Variants in ATL2 observed in about 807,000 individuals in gnomAD.
ATL2 encodes the protein atlastin-2.
ATL2 carries 31 observed loss-of-function variants against 73.9 expected under a neutral mutation model. The observed-to-expected ratio is 0.42, with a 90% CI of 0.32 to 0.57. ATL2 has a LOEUF of 0.57. Among genes scored for constraint, ATL2 ranks in the 20% least tolerant of loss-of-function variants. The pLI is 0.14. For synonymous variants in ATL2, 291 were observed against 237.5 expected (o/e 1.23, Z -2.07); for missense variants, 738 against 702.6 (o/e 1.05, Z -0.57).
At chr2:38,302,551 C>T (rs1667243468) in intron 9 of ATL2, among the ~76,000 whole-genome samples, 1 of 152,192 alleles carries the variant, frequency 6.6e-6, no homozygotes, top group South Asian at 2.1e-4. Flanking sequence ...AGTGAAGTCC[C>T]AGGGATGGTG....
chr2:38,367,998 A>G (rs138922687), intron 1 of ATL2, among the ~76,000 whole-genome samples: 18,803 of 147,564 alleles, frequency 0.13, 3,489 homozygotes, highest in African/African-American at 0.41. Flanking sequence ...GCAGTGGCGC[A>G]ATCTCGGCTC....
chr2:38,310,370 G>A lies in ATL2; in HGVS notation c.882C>T (p.Phe294=), dbSNP rs751231784. The change falls in exon 8 of 13, where the codon TTC becomes TTT. Residue 294 remains phenylalanine (F), a synonymous_variant. Transcript: ENST00000378954. The part of the protein sequence containing the change: ...IHNCFSNLGC[F]LLPHPGLKVA... ...CTTTAAGACCAGGATGTGGCAAAAG[G>A]AAGCAACCAAGATTTGAGAAACAAT... 8 of 1,609,560 alleles carry A rather than the reference G, an allele frequency of 5.0e-6. No homozygotes were observed. The African/African-American group carries it at 6.7e-5, about 13-fold the overall frequency.
intron 10 of ATL2, 57 bp from the exon 11 acceptor site, chr2:38,299,384 C>G: frequency 5.5e-6 from 8 of 1,464,764 alleles, no homozygotes; most frequent in Middle Eastern, 1.9e-4. Flanking sequence ...TCTAAAAATT[C>G]TGATTAACAC....
intron 2 of ATL2, among the ~76,000 whole-genome samples, chr2:38,340,301 T>C (rs1000601270): frequency 2.0e-5 from 3 of 151,894 alleles, no homozygotes; most frequent in Non-Finnish European, 2.9e-5. Flanking sequence ...CACTTAAGAT[T>C]TGTGCACCTT....
chr2:38,340,615 T>TCA (rs1234304056), intron 2 of ATL2, among the ~76,000 whole-genome samples: 2 of 152,164 alleles, frequency 1.3e-5, no homozygotes, highest in Admixed American at 6.5e-5. Context: ...TGTCAGTATG[T>TCA]CACTACTCTA....
intron 12 of ATL2, chr2:38,296,442 G>T: frequency 6.4e-7 from 1 of 1,566,226 alleles, no homozygotes; most frequent in Non-Finnish European, 8.7e-7. Flanking sequence ...ACATGTGTAA[G>T]TGTGAACACT....
At chr2:38,315,394 T>C (rs1227368907) in intron 4 of ATL2, 60 bp from the exon 5 acceptor site, 1 of 1,462,474 alleles carries the variant, frequency 6.8e-7, no homozygotes. Flanking sequence ...ACCCAGCTTC[T>C]GTATAACTTT....
In ATL2 at chr2:38,331,518, G is replaced by A. The variant is rs536200074; in HGVS notation, c.363+11750C>T. Among the ~76,000 whole-genome samples, 192 of 149,272 alleles carry A rather than the reference G, an allele frequency of 1.3e-3. 2 individuals are homozygous for A. The highest frequency in any genetic ancestry group is 4.4e-3 in the African/African-American group (179 of 40,488). On this transcript the variant is annotated intron_variant, in intron 2 of 12. Transcript: ENST00000378954. ...CCAGCTACTTGGAAGGCTGAAGCAG[G>A]AGAACTGCTTCAACCCAGGAGGCAG...
At chr2:38,300,929 A>G (rs921808621) in intron 9 of ATL2, among the ~76,000 whole-genome samples, 1 of 151,320 alleles carries the variant, frequency 6.6e-6, no homozygotes, top group African/African-American at 2.4e-5. Context: ...GAAGGAAAAG[A>G]TAAGAGTTTG....
At chr2:38,328,061 G>A (rs1229707756) in intron 2 of ATL2, among the ~76,000 whole-genome samples, 2 of 152,116 alleles carry the variant, frequency 1.3e-5, no homozygotes, top group East Asian at 1.9e-4. Flanking sequence ...AACATACCAT[G>A]CCAACACTAA....
At chr2:38,308,669 T>C (rs1303052474) in intron 9 of ATL2, among the ~76,000 whole-genome samples, 1 of 152,168 alleles carries the variant, frequency 6.6e-6, no homozygotes, top group Non-Finnish European at 1.5e-5. Flanking sequence ...TTTACTCTAA[T>C]ATGATTATTA....
chr2:38,299,746 G>GT (rs1387520345), intron 10 of ATL2, among the ~76,000 whole-genome samples: 1 of 152,100 alleles, frequency 6.6e-6, no homozygotes, highest in Non-Finnish European at 1.5e-5. Flanking sequence ...GGCAAATACT[G>GT]TTTAATCTAC....
chr2:38,297,286 A>G (rs747758414), intron 12 of ATL2, among the ~76,000 whole-genome samples: 10 of 152,212 alleles, frequency 6.6e-5, no homozygotes, highest in Non-Finnish European at 1.3e-4. Flanking sequence ...CATATCCTAG[A>G]TCTTCAAAAT....
chr2:38,367,117 G>C (rs1234358821), intron 1 of ATL2, among the ~76,000 whole-genome samples: 1 of 151,742 alleles, frequency 6.6e-6, no homozygotes, highest in Admixed American at 6.6e-5. Flanking sequence ...ACCGCACACA[G>C]CCAAGACATT....
chr2:38,348,805 T>G (rs908440612), intron 1 of ATL2, among the ~76,000 whole-genome samples: 2 of 152,022 alleles, frequency 1.3e-5, no homozygotes, highest in African/African-American at 2.4e-5. Context: ...GAATCTACAA[T>G]GAACTCAAAC....
chr2:38,339,761 G>A (rs917255864), intron 2 of ATL2, among the ~76,000 whole-genome samples: 2 of 152,000 alleles, frequency 1.3e-5, no homozygotes, highest in Non-Finnish European at 2.9e-5. Context: ...CACAATCTCG[G>A]CTCACTGCAA....
intron 1 of ATL2, among the ~76,000 whole-genome samples, chr2:38,344,951 C>A (rs2124415478): frequency 6.6e-6 from 1 of 152,286 alleles, no homozygotes; most frequent in East Asian, 1.9e-4. Flanking sequence ...GCAGACATAA[C>A]TTTACTGAAT....
At chr2:38,317,660 T>TA (rs1394832267) in intron 4 of ATL2, among the ~76,000 whole-genome samples, 11 of 152,128 alleles carry the variant, frequency 7.2e-5, no homozygotes, top group African/African-American at 1.4e-4. Flanking sequence ...AGATACAGAA[T>TA]AAAAAACTAG....
intron 2 of ATL2, among the ~76,000 whole-genome samples, chr2:38,336,715 T>C (rs1202369740): frequency 6.6e-6 from 1 of 152,218 alleles, no homozygotes; most frequent in African/African-American, 2.4e-5. Flanking sequence ...GCCACTTACT[T>C]TGAGTCTCGT....
Sources: gnomAD v4.1 joint callset for allele counts (sites outside exome capture counted in the v4.1 genomes callset) on GRCh38, gnomAD v4.1.1 for gene constraint, MANE v1.5 for transcripts, NCBI Gene and HGNC (gene_info 2026-07-23, HGNC 2026-07-21) for gene names.